The following ABCA12 variants were observed in gnomAD, a reference collection of about 807,000 sequenced individuals.
ABCA12 encodes the protein ATP binding cassette subfamily A member 12, also known as glucosylceramide transporter ABCA12.
In ABCA12, 156 loss-of-function variants were observed where a neutral mutation model predicts 293.5. The ratio of observed to expected loss-of-function variants is 0.53; its 90% confidence interval spans 0.47 to 0.61. The LOEUF is 0.61. Ranked by LOEUF, ABCA12 falls within the 20% of genes least tolerant of loss-of-function variation. The probability of loss-of-function intolerance (pLI) is 0.00; values close to 1 mark genes in which losing one functional copy is unlikely to be tolerated. For missense variants in ABCA12, 2,797 were observed against 3,090.2 expected, an observed-to-expected ratio of 0.91 and a Z score of 2.25; for synonymous variants, 1,063 against 1,108.0, an observed-to-expected ratio of 0.96 and a Z score of 0.81.
At chr2:214,937,480 G>A (rs757691645) in intron 51 of ABCA12, 30 bp downstream of exon 51, 1 of 1,565,786 alleles carries the variant, frequency 6.4e-7, no homozygotes, top group Non-Finnish European at 8.8e-7. Flanking sequence ...TTACAGGCGT[G>A]AGCCACTGCA....
At chr2:214,981,071 C>G (rs551096548) in intron 30 of ABCA12, among the ~76,000 whole-genome samples, 1 of 134,978 alleles carries the variant, frequency 7.4e-6, no homozygotes, top group African/African-American at 2.8e-5. Context: ...GGGTGACAGA[C>G]GAGAGTCCAT....
chr2:215,004,682 C>G (rs1700216594), intron 19 of ABCA12: 1 of 176,800 alleles, frequency 5.7e-6, no homozygotes, highest in African/African-American at 2.4e-5. Flanking sequence ...AAACAAAACT[C>G]TTAAAAATCA....
rs144561266 is a variant in ABCA12 at position 215,008,805 on chromosome 2, C to T, written c.2473-959G>A. Reference sequence around the variant, plus strand: ...AATACAAAAAGGGGAAAAAAAAAGACCACGCTTAAAACATAAGCTCATATG... The same window carrying T: ...AATACAAAAAGGGGAAAAAAAAAGATCACGCTTAAAACATAAGCTCATATG... On this transcript the variant is annotated intron_variant, in intron 18 of 52. Transcript: ENST00000272895. Among the ~76,000 whole-genome samples, 810 of 152,044 alleles carry T rather than the reference C, an allele frequency of 5.3e-3. 6 individuals carry two copies. Among genetic ancestry groups the T allele is most frequent in the Non-Finnish European group, 8.7e-3 (591 of 67,958 alleles).
At chr2:215,047,773 T>C (rs1243090227) in intron 6 of ABCA12, among the ~76,000 whole-genome samples, 1 of 152,134 alleles carries the variant, frequency 6.6e-6, no homozygotes, top group Non-Finnish European at 1.5e-5. Flanking sequence ...AAATATTTTA[T>C]GACAAAGATG....
intron 7 of ABCA12, among the ~76,000 whole-genome samples, chr2:215,042,593 T>TTTA (rs1393400234): frequency 2.6e-5 from 4 of 152,148 alleles, no homozygotes; most frequent in African/African-American, 9.7e-5. Flanking sequence ...ATTGTTCATA[T>TTTA]TTATAGAGTA....
intron 50 of ABCA12, among the ~76,000 whole-genome samples, chr2:214,942,366 A>G (rs1327299091): frequency 6.6e-6 from 1 of 152,180 alleles, no homozygotes; most frequent in Admixed American, 6.5e-5. Flanking sequence ...TGAAGTTTGG[A>G]GATTAACATG....
intron 23 of ABCA12, among the ~76,000 whole-genome samples, chr2:214,992,522 CTTTT>C (rs71041978): frequency 0.017 from 792 of 47,736 alleles, 30 homozygotes; most frequent in African/African-American, 0.067. Flanking sequence ...TATCCCCCCC[CTTTT>C]TTTTTTTTTT....
intron 39 of ABCA12, 33 bp downstream of exon 39, chr2:214,966,792 TATACAAAGAGTAACAGAAGTTGC>T (rs1378700457): frequency 1.3e-6 from 2 of 1,535,134 alleles, no homozygotes; most frequent in Non-Finnish European, 1.8e-6. Context: ...AGTGCATTTT[TATACAAAGAGTAACAGAAGTTGC>T]AATACAGGAC....
intron 1 of ABCA12, among the ~76,000 whole-genome samples, chr2:215,128,649 A>T (rs1248559115): frequency 2.6e-5 from 4 of 150,998 alleles, no homozygotes; most frequent in African/African-American, 7.3e-5. Context: ...CTAATTTTGT[A>T]TTTTTTTTTC....
chr2:214,996,913 T>C (rs1371126091), intron 23 of ABCA12, among the ~76,000 whole-genome samples: 1 of 152,196 alleles, frequency 6.6e-6, no homozygotes, highest in Non-Finnish European at 1.5e-5. Context: ...AGTTTTGAAA[T>C]GTTTCACCTT....
Position 215,011,648 on chromosome 2 carries a change from G to A in ABCA12, c.2123C>T (p.Ala708Val), listed in dbSNP as rs756116447. 2 of 1,613,878 alleles carry A rather than the reference G, an allele frequency of 1.2e-6. No homozygotes were observed. Among genetic ancestry groups the A allele is most frequent in the East Asian group, 2.2e-5 (1 of 44,866 alleles). Residue 708 changes from alanine (A) to valine (V), a missense_variant and splice_region_variant, in exon 17 of 53, where the codon GCA becomes GTA. Around this residue, in one of 3 missense-constraint regions of ABCA12, gnomAD observed 2,130 missense variants for 2,427.0 expected, o/e 0.88. Transcript: ENST00000272895. ...HLPRSVPLTQ[A>V]MYRSNRMNTP... The stretch of plus-strand genomic sequence containing the variant: ...GTTCATTCGGTTGCTTCTGTACATT[G>A]CCTGTGAGACAAAAATCCACAATTT...
intron 11 of ABCA12, among the ~76,000 whole-genome samples, chr2:215,021,535 G>T (rs1341704078): frequency 6.6e-6 from 1 of 152,180 alleles, no homozygotes; most frequent in African/African-American, 2.4e-5. Flanking sequence ...CCCTGGGAAA[G>T]AAAATTCTAT....
intron 39 of ABCA12, among the ~76,000 whole-genome samples, chr2:214,964,467 T>C (rs1169898948): frequency 6.6e-6 from 1 of 152,094 alleles, no homozygotes; most frequent in Non-Finnish European, 1.5e-5. Context: ...TGATCCTATA[T>C]CTAGAAAACC....
At chr2:215,131,104 T>C (rs1341038190) in intron 1 of ABCA12, among the ~76,000 whole-genome samples, 1 of 152,066 alleles carries the variant, frequency 6.6e-6, no homozygotes, top group African/African-American at 2.4e-5. Flanking sequence ...TGAATCATTT[T>C]TTCATGTGCT....
intron 43 of ABCA12, among the ~76,000 whole-genome samples, chr2:214,954,535 G>A (rs1698882543): frequency 6.6e-6 from 1 of 152,132 alleles, no homozygotes; most frequent in Non-Finnish European, 1.5e-5. Context: ...GGTAGAAGAA[G>A]AGCCAACATG....
chr2:215,120,826 C>T (rs1308409387), intron 1 of ABCA12, among the ~76,000 whole-genome samples: 2 of 152,154 alleles, frequency 1.3e-5, no homozygotes, highest in Non-Finnish European at 2.9e-5. Context: ...GCCTATTTGT[C>T]TAAGTTTGGC....
intron 2 of ABCA12, among the ~76,000 whole-genome samples, chr2:215,087,710 A>G (rs975168694): frequency 1.3e-5 from 2 of 152,172 alleles, no homozygotes; most frequent in Non-Finnish European, 1.5e-5. Flanking sequence ...GTGCTAGAGA[A>G]AGTGGTACCT....
intron 8 of ABCA12, among the ~76,000 whole-genome samples, chr2:215,035,237 T>C (rs1321384483): frequency 3.9e-5 from 6 of 152,256 alleles, no homozygotes; most frequent in South Asian, 2.1e-4. Context: ...TACATCTGCA[T>C]TGATATTCTT....
At position 214,978,843 on chromosome 2, in the gene ABCA12, G is replaced by A. The variant is rs1699582085; in HGVS notation, c.4938C>T (p.Asn1646=). 6.2e-7 allele frequency: 1 copy of A among 1,614,080 alleles called. No individual in the cohort carries two copies. Among genetic ancestry groups the A allele is most frequent in the Non-Finnish European group, 8.5e-7 (1 of 1,179,978 alleles). ...TATCTGAAATGCCGTAGCACCCGAT[G>A]TTGAGGTCACCCATGCCATTGTCGA... ...RALDNGMGDL[N]IGCYGISDTT... The change falls in exon 32 of 53, where the codon AAC becomes AAT. Residue 1646 remains asparagine (N), a synonymous_variant. Transcript: ENST00000272895.
Sources: gnomAD v4.1 joint callset for allele counts (sites outside exome capture counted in the v4.1 genomes callset) on GRCh38, gnomAD v4.1.1 for gene constraint, gnomAD v4.1.1 regional missense constraint, MANE v1.5 for transcripts, NCBI Gene and HGNC (gene_info 2026-07-23, HGNC 2026-07-21) for gene names.